Variants in GRIN2B observed in about 807,000 individuals in gnomAD.
GRIN2B encodes the protein glutamate receptor ionotropic, NMDA 2B.
GRIN2B carries 5 observed loss-of-function variants against 114.5 expected under a neutral mutation model. The ratio of observed to expected loss-of-function variants is 0.04; its 90% CI spans 0.02 to 0.09. The LOEUF is 0.09. Ranked by LOEUF, GRIN2B falls within the 10% of genes least tolerant of loss-of-function variation. The pLI, the probability that GRIN2B is intolerant of heterozygous loss-of-function variation, is 1.00. For synonymous variants in GRIN2B, 787 were observed against 745.1 expected, an observed-to-expected ratio of 1.06 and a Z score of -0.92; for missense variants, 1,108 against 1,943.5, an observed-to-expected ratio of 0.57 and a Z score of 8.08.
At position 13,639,295 on chromosome 12, in the gene GRIN2B, C is replaced by T. The variant is rs1258652315; in HGVS notation, c.1126-22638G>A. On this transcript the variant is annotated intron_variant, in intron 5 of 13. Transcript: ENST00000609686. ...AGCAGCAGACCCTAGTGCCAGATAG[C>T]GCTTGGATGGGTCATAAAAATACAA... Among the ~76,000 whole-genome samples, 4 of 152,194 alleles carry T rather than the reference C, an allele frequency of 2.6e-5. 1 individual carries two copies. Among genetic ancestry groups the T allele is most frequent in the East Asian group, 3.9e-4 (2 of 5,166 alleles).
At chr12:13,728,710 C>T (rs1194113023) in intron 4 of GRIN2B, among the ~76,000 whole-genome samples, 1 of 152,074 alleles carries the variant, frequency 6.6e-6, no homozygotes, top group Non-Finnish European at 1.5e-5. Flanking sequence ...ACAGCCAATG[C>T]TCAGTGAAAA....
chr12:13,913,688 C>A (rs936241233), intron 2 of GRIN2B, among the ~76,000 whole-genome samples: 5 of 152,154 alleles, frequency 3.3e-5, no homozygotes, highest in African/African-American at 9.7e-5. Context: ...GGCACATACT[C>A]CAACTCTCCC....
chr12:13,672,482 T>C (rs2284406), intron 5 of GRIN2B, among the ~76,000 whole-genome samples: 47,935 of 152,028 alleles, frequency 0.32, 8,451 homozygotes, highest in East Asian at 0.67. Context: ...TTGAGGATGA[T>C]GTCCTGGGGA....
At chr12:13,803,018 C>T (rs1864544183) in intron 3 of GRIN2B, among the ~76,000 whole-genome samples, 2 of 152,120 alleles carry the variant, frequency 1.3e-5, no homozygotes, top group African/African-American at 4.8e-5. Context: ...TCAGCCTACT[C>T]AATTTGAGTA....
chr12:13,621,613 G>GTTTTTT (rs869106790), intron 5 of GRIN2B, among the ~76,000 whole-genome samples: 1 of 72,398 alleles, frequency 1.4e-5, no homozygotes, highest in Non-Finnish European at 2.5e-5. Context: ...CCTAGTTTTT[G>GTTTTTT]TTTTTTTTTT....
chr12:13,656,423 G>A (rs1226113613), intron 5 of GRIN2B, among the ~76,000 whole-genome samples: 1 of 152,210 alleles, frequency 6.6e-6, no homozygotes, highest in Non-Finnish European at 1.5e-5. Context: ...TGTGCAGGCA[G>A]TTCAGCCTGA....
intron 3 of GRIN2B, among the ~76,000 whole-genome samples, chr12:13,835,929 A>T (rs1357926200): frequency 6.6e-6 from 1 of 152,206 alleles, no homozygotes; most frequent in Non-Finnish European, 1.5e-5. Context: ...AGAAGAAAGA[A>T]AAGAGTGTAA....
chr12:13,547,981 A>ATATATATATATATTTTTTTTTTTTTTTTT lies in GRIN2B; in HGVS notation c.*14801_*14802insAAAAAAAAAAAAAAAAATATATATATATA. On this transcript the variant is annotated 3_prime_UTR_variant, in exon 14 of 14. Coordinates refer to ENST00000609686, the MANE Select transcript of GRIN2B (RefSeq NM_000834.5). ...TGTGTATATATATATATATATATAT[A>ATATATATATATATTTTTTTTTTTTTTTTT]TTTTTTTTTTTTTTCTGAAAGCTAC... The ATATATATATATATTTTTTTTTTTTTTTTT allele has an allele frequency of 1.7e-4, 12 of 68,578 alleles. No individual in the cohort carries two copies. Among genetic ancestry groups the ATATATATATATATTTTTTTTTTTTTTTTT allele is most frequent in the South Asian group, 7.3e-4 (1 of 1,378 alleles). 4.2% of individuals were successfully genotyped at this position (68,578 alleles called of 1,614,324 possible). A position where few individuals can be genotyped will look rare whatever the true frequency, so the allele number is the denominator to read the frequency against.
At chr12:13,951,940 T>G (rs1360651046) in intron 2 of GRIN2B, among the ~76,000 whole-genome samples, 1 of 152,208 alleles carries the variant, frequency 6.6e-6, no homozygotes. Flanking sequence ...TCCTTATTAA[T>G]TGCTTGCAAT....
intron 2 of GRIN2B, among the ~76,000 whole-genome samples, chr12:13,900,403 A>G (rs1866425973): frequency 6.6e-6 from 1 of 152,132 alleles, no homozygotes; most frequent in Non-Finnish European, 1.5e-5. Flanking sequence ...TGAACCCAGG[A>G]AGCGGAGGTT....
At chr12:13,735,920 A>G (rs575605787) in intron 4 of GRIN2B, among the ~76,000 whole-genome samples, 2 of 152,042 alleles carry the variant, frequency 1.3e-5, no homozygotes, top group South Asian at 4.2e-4. Flanking sequence ...GAAAAAAATA[A>G]CCTCAATCTG....
chr12:13,662,726 G>A (rs1168100727), intron 5 of GRIN2B, among the ~76,000 whole-genome samples: 1 of 152,062 alleles, frequency 6.6e-6, no homozygotes. Flanking sequence ...CTCGTGTCAG[G>A]GAATGTCTTG....
intron 3 of GRIN2B, among the ~76,000 whole-genome samples, chr12:13,815,187 G>T (rs181093749): frequency 6.6e-6 from 1 of 152,278 alleles, no homozygotes; most frequent in Admixed American, 6.5e-5. Context: ...TGAAAGAATA[G>T]ATGACTAAAT....
chr12:13,937,106 G>GGA lies in GRIN2B; in HGVS notation c.-19+42821_-19+42822insTC, dbSNP rs1555159435. On this transcript the variant is annotated intron_variant, in intron 2 of 13. Coordinates refer to ENST00000609686, the MANE Select transcript of GRIN2B (RefSeq NM_000834.5). ...AAATAAAAAAAAAAAAGGGGGGGGG[G>GGA]AAGATTGAAGAAAAATGAAAGAGCT... 3.3e-3 allele frequency among the ~76,000 whole-genome samples: 473 copies of GGA among 141,296 alleles called. 5 individuals are homozygous for GGA. The highest frequency in any genetic ancestry group is 0.014 in the Middle Eastern group (4 of 276). 92.7% of individuals were successfully genotyped at this position (141,296 alleles called of 152,430 possible).
Position 13,763,956 on chromosome 12 carries a change from G to A in GRIN2B, c.412-10041C>T, listed in dbSNP as rs575497329. On this transcript the variant is annotated intron_variant, in intron 3 of 13. Transcript: ENST00000609686. ...CTGGTTATTAGCACTAAAAATGGAT[G>A]TTTAAGACTTCTGAGGTTCTAACTG... 5.3e-5 allele frequency among the ~76,000 whole-genome samples: 8 copies of A among 152,234 alleles called. No individual in the cohort carries two copies. The East Asian group carries it at 1.5e-3, about 29-fold the overall frequency.
rs201837767 is a variant in GRIN2B at position 13,753,297 on chromosome 12, G to T, written c.1010+20C>A. On this transcript the variant is annotated intron_variant, in intron 4 of 13. Coordinates refer to ENST00000609686, the MANE Select transcript of GRIN2B (RefSeq NM_000834.5). The surrounding 1 kb of genome is among the most constrained non-coding windows in gnomAD (Gnocchi z 6.2). ...CCCCTCTCATCTCCACCATCAATGT[G>T]CCCTCTGTTCCACACTCACCTATTT... The T allele has an allele frequency of 2.3e-6, 3 of 1,317,576 alleles. No individual in the cohort carries two copies. Among genetic ancestry groups the T allele is most frequent in the East Asian group, 2.3e-5 (1 of 43,548 alleles). The allele number at this position is 1,317,576 out of a possible 1,614,324, so 81.6% of individuals were successfully genotyped here.
intron 2 of GRIN2B, among the ~76,000 whole-genome samples, chr12:13,871,240 A>G (rs1865901380): frequency 6.6e-6 from 1 of 152,116 alleles, no homozygotes; most frequent in African/African-American, 2.4e-5. Flanking sequence ...TTTTAAGTAC[A>G]TACATGAAAA....
Position 13,960,047 on chromosome 12 carries a change from G to A in GRIN2B, c.-19+19881C>T, listed in dbSNP as rs576711115. 7.9e-5 allele frequency among the ~76,000 whole-genome samples: 12 copies of A among 152,156 alleles called. No homozygotes were observed. In the East Asian group the frequency reaches 1.7e-3, roughly 22 times the overall value. On this transcript the variant is annotated intron_variant, in intron 2 of 13. Coordinates refer to ENST00000609686, the MANE Select transcript of GRIN2B (RefSeq NM_000834.5). ...AGCCTCAGCAATGCTGACATTTTGCGATGCCTCATTCTTCATTTTCAAGGG... is the reference window on the plus strand; with the variant it reads ...AGCCTCAGCAATGCTGACATTTTGCAATGCCTCATTCTTCATTTTCAAGGG...
At chr12:13,924,881 C>T (rs965317879) in intron 2 of GRIN2B, among the ~76,000 whole-genome samples, 1 of 152,098 alleles carries the variant, frequency 6.6e-6, no homozygotes, top group African/African-American at 2.4e-5. Context: ...CACCCTAGAG[C>T]ATAGGGTGCA....
Sources: allele counts gnomAD v4.1 joint callset (sites outside exome capture counted in the v4.1 genomes callset), GRCh38; gene constraint gnomAD v4.1.1; non-coding constraint Gnocchi (gnomAD v3.1); transcripts MANE v1.5; gene names NCBI Gene and HGNC (gene_info 2026-07-23, HGNC 2026-07-21).